SPOCK3: variants seen among roughly 807,000 people sequenced by gnomAD.
SPOCK3 encodes testican-3.
Under a neutral mutation model 56.6 loss-of-function variants are expected in SPOCK3, and 30 were observed. The observed-to-expected ratio is 0.53, with a 90% CI of 0.40 to 0.72. The LOEUF (loss-of-function observed/expected upper bound fraction) is 0.72, where lower values mean the gene tolerates loss of function less well. Ranked by LOEUF, SPOCK3 falls within the 30% of genes least tolerant of loss-of-function variation. The probability of loss-of-function intolerance (pLI) is 0.00; values close to 1 mark genes in which losing one functional copy is unlikely to be tolerated. For synonymous variants in SPOCK3, 196 were observed against 183.3 expected, an observed-to-expected ratio of 1.07 and a Z score of -0.56; for missense variants, 527 against 530.0, an observed-to-expected ratio of 0.99 and a Z score of 0.06.
chr4:167,210,235 C>T (rs1329501968), intron 2 of SPOCK3, among the ~76,000 whole-genome samples: 1 of 89,120 alleles, frequency 1.1e-5, no homozygotes, highest in Non-Finnish European at 2.6e-5. Context: ...AGATCCCTGT[C>T]AGGTATGCTT....
intron 4 of SPOCK3, among the ~76,000 whole-genome samples, chr4:166,974,545 C>G (rs1190721621): frequency 6.6e-6 from 1 of 152,114 alleles, no homozygotes; most frequent in Non-Finnish European, 1.5e-5. Context: ...TACCATTTCT[C>G]TCTTTTTCTT....
intron 5 of SPOCK3, among the ~76,000 whole-genome samples, chr4:166,899,701 C>T (rs1203303723): frequency 6.6e-6 from 1 of 151,364 alleles, no homozygotes; most frequent in East Asian, 2.0e-4. Context: ...ATTTTTAGTA[C>T]AGATGGGGTT....
At chr4:166,987,951 T>C (rs1276984313) in intron 4 of SPOCK3, among the ~76,000 whole-genome samples, 1 of 152,166 alleles carries the variant, frequency 6.6e-6, no homozygotes, top group Non-Finnish European at 1.5e-5. Flanking sequence ...GGGTATGGAA[T>C]AATTTTCTCC....
At chr4:166,846,625 C>G (rs771890357) in intron 6 of SPOCK3, among the ~76,000 whole-genome samples, 1 of 152,036 alleles carries the variant, frequency 6.6e-6, no homozygotes, top group South Asian at 2.1e-4. Context: ...TATTTTTGGA[C>G]ATTAGCTCAC....
At chr4:167,130,352 T>G (rs1762605941) in intron 2 of SPOCK3, among the ~76,000 whole-genome samples, 1 of 152,060 alleles carries the variant, frequency 6.6e-6, no homozygotes, top group African/African-American at 2.4e-5. Context: ...AAATTTGGAG[T>G]TTTTTTATTT....
At chr4:166,924,997 C>T (rs1426187138) in intron 4 of SPOCK3, among the ~76,000 whole-genome samples, 1 of 152,110 alleles carries the variant, frequency 6.6e-6, no homozygotes, top group Non-Finnish European at 1.5e-5. Context: ...AATCACTTCC[C>T]AGCAATAGAT....
chr4:167,167,639 A>G (rs1034540712), intron 2 of SPOCK3, among the ~76,000 whole-genome samples: 1 of 152,220 alleles, frequency 6.6e-6, no homozygotes, highest in Non-Finnish European at 1.5e-5. Flanking sequence ...GGATCTGTAT[A>G]GTGAGAAGGT....
intron 5 of SPOCK3, among the ~76,000 whole-genome samples, chr4:166,898,006 C>T (rs1318023346): frequency 6.6e-6 from 1 of 151,598 alleles, no homozygotes; most frequent in African/African-American, 2.4e-5. Flanking sequence ...GTTTGGGAAA[C>T]ATAGTGAGAT....
At chr4:166,755,180 AC>A (rs146843944) in intron 7 of SPOCK3, among the ~76,000 whole-genome samples, 7,713 of 152,204 alleles carry the variant, frequency 0.051, 218 homozygotes, top group Non-Finnish European at 0.055. Flanking sequence ...ATAAGTAATA[AC>A]TTTAATAATT....
intron 6 of SPOCK3, among the ~76,000 whole-genome samples, chr4:166,840,783 T>G (rs970766412): frequency 6.4e-5 from 9 of 140,510 alleles, no homozygotes; most frequent in Non-Finnish European, 1.4e-4. Flanking sequence ...TTTTTTTTTT[T>G]TTTTTTTTTT....
intron 2 of SPOCK3, among the ~76,000 whole-genome samples, chr4:167,096,198 G>A (rs1425095702): frequency 6.6e-6 from 1 of 151,922 alleles, no homozygotes; most frequent in Middle Eastern, 3.4e-3. Flanking sequence ...TTGTCTGCAG[G>A]TTCAGTGCAA....
chr4:167,234,156 G>A lies in SPOCK3; in HGVS notation c.18C>T (p.Ala6=), dbSNP rs1006256498. 1 of 1,613,732 alleles carries A rather than the reference G, an allele frequency of 6.2e-7. No individual in the cohort carries two copies. The highest frequency in any genetic ancestry group is 1.1e-5 in the South Asian group (1 of 91,058). The change falls in exon 2 of 11, where the codon GCC becomes GCT. Residue 6 remains alanine, a synonymous_variant. Coordinates refer to ENST00000357545, the MANE Select transcript of SPOCK3 (RefSeq NM_001040159.2). The stretch of plus-strand genomic sequence containing the variant: ...AAGCGGCTGCACACACACACAGTAC[G>A]GCTGACACCTTGAGCATCTGGGAGA... MLKVS[A]VLCVCAAAWC... is the part of the protein sequence containing the mutation.
intron 2 of SPOCK3, among the ~76,000 whole-genome samples, chr4:167,193,257 T>C (rs1732630534): frequency 6.8e-6 from 1 of 146,196 alleles, no homozygotes; most frequent in Non-Finnish European, 1.5e-5. Flanking sequence ...TATTACGGTT[T>C]TATTCCTTTC....
chr4:167,163,378 A>C (rs1026634388), intron 2 of SPOCK3, among the ~76,000 whole-genome samples: 1 of 152,012 alleles, frequency 6.6e-6, no homozygotes, highest in Admixed American at 6.6e-5. Context: ...TACAGCATGT[A>C]ATAATCACAT....
chr4:166,815,326 A>T (rs1421669101), intron 6 of SPOCK3, among the ~76,000 whole-genome samples: 3 of 152,154 alleles, frequency 2.0e-5, no homozygotes, highest in African/African-American at 4.8e-5. Context: ...GAATAAAAAA[A>T]TTATAATGGT....
At chr4:167,140,975 CT>C (rs1763481461) in intron 2 of SPOCK3, among the ~76,000 whole-genome samples, 1 of 151,882 alleles carries the variant, frequency 6.6e-6, no homozygotes, top group Admixed American at 6.6e-5. Context: ...AATCTATTTA[CT>C]GTCAGTTCAT....
intron 6 of SPOCK3, among the ~76,000 whole-genome samples, chr4:166,833,548 C>T (rs1746304860): frequency 6.6e-6 from 1 of 152,136 alleles, no homozygotes; most frequent in Non-Finnish European, 1.5e-5. Flanking sequence ...ACACATTTGG[C>T]ATTACATTTA....
At chr4:166,788,604 C>T (rs1283424254) in intron 7 of SPOCK3, among the ~76,000 whole-genome samples, 1 of 151,596 alleles carries the variant, frequency 6.6e-6, no homozygotes, top group East Asian at 1.9e-4. Flanking sequence ...ATAATATCTG[C>T]TTATTTACTA....
chr4:167,096,324 G>A (rs539591746), intron 2 of SPOCK3, among the ~76,000 whole-genome samples: 12 of 151,808 alleles, frequency 7.9e-5, no homozygotes, highest in South Asian at 2.1e-4. Context: ...ATACTTTCTC[G>A]AATTTTTCTA....
Sources: allele counts gnomAD v4.1 joint callset (sites outside exome capture counted in the v4.1 genomes callset), GRCh38; gene constraint gnomAD v4.1.1; transcripts MANE v1.5; gene names NCBI Gene and HGNC (gene_info 2026-07-23, HGNC 2026-07-21).